The following REV3L variants were observed in gnomAD, a reference collection of about 807,000 sequenced individuals.
The protein encoded by REV3L is DNA polymerase zeta catalytic subunit.
A neutral mutation model predicts 299.4 loss-of-function variants in REV3L; 69 were observed. The ratio of observed to expected loss-of-function variants is 0.23; its 90% confidence interval spans 0.19 to 0.28. The LOEUF (loss-of-function observed/expected upper bound fraction) is 0.28, where lower values mean the gene tolerates loss of function less well. Ranked by LOEUF, REV3L falls within the 10% of genes least tolerant of loss-of-function variation. The pLI is 1.00. For missense variants in REV3L, 3,128 were observed against 3,693.8 expected (o/e 0.85, Z 3.97); for synonymous variants, 1,238 against 1,271.4 (o/e 0.97, Z 0.56).
intron 1 of REV3L, among the ~76,000 whole-genome samples, chr6:111,443,131 A>G (rs1562319627): frequency 6.6e-6 from 1 of 151,724 alleles, no homozygotes; most frequent in Admixed American, 6.6e-5. Flanking sequence ...CTTTTTATAG[A>G]TTACATTTGC....
Position 111,422,664 on chromosome 6 carries a change from A to ACG in REV3L, c.140-6193_140-6192insCG, listed in dbSNP as rs1491125060. 2.0e-4 allele frequency among the ~76,000 whole-genome samples: 8 copies of ACG among 39,858 alleles called. 2 individuals carry two copies. The Admixed American group carries it at 2.0e-3, about 10-fold the overall frequency. The allele number at this position is 39,858 out of a possible 152,430, so 26.1% of individuals were successfully genotyped here. A position where few individuals can be genotyped will look rare whatever the true frequency, so the allele number is the denominator to read the frequency against. Reference sequence around the variant, plus strand: ...TATATATATACATATATATATATACATATATATATATATACGTATATATAT... The same window carrying ACG: ...TATATATATACATATATATATATACACGTATATATATATATACGTATATATAT... On this transcript the variant is annotated intron_variant, in intron 1 of 31. Transcript: ENST00000368802.
intron 24 of REV3L, chr6:111,330,208 T>A (rs553423931): frequency 2.3e-6 from 1 of 430,812 alleles, no homozygotes; most frequent in Admixed American, 2.5e-5. Flanking sequence ...ATGAGCTGGG[T>A]TGACTCTGCT....
chr6:111,328,314 A>C (rs1283971645), intron 25 of REV3L, among the ~76,000 whole-genome samples: 1 of 152,224 alleles, frequency 6.6e-6, no homozygotes, highest in Non-Finnish European at 1.5e-5. Flanking sequence ...TATGTTGCTT[A>C]GGCTAGTCTT....
intron 16 of REV3L, chr6:111,361,433 A>AC (rs1481980499): frequency 6.8e-6 from 1 of 147,104 alleles, no homozygotes; most frequent in East Asian, 2.0e-4. Flanking sequence ...AAAAAAAACA[A>AC]AAAAAAAAAA....
intron 20 of REV3L, among the ~76,000 whole-genome samples, chr6:111,348,534 T>G (rs1207670506): frequency 2.0e-5 from 3 of 152,186 alleles, no homozygotes; most frequent in Non-Finnish European, 4.4e-5. Context: ...CTAGACTAAA[T>G]TTTTCTTACT....
intron 18 of REV3L, among the ~76,000 whole-genome samples, chr6:111,355,514 A>AT (rs1318399738): frequency 2.6e-5 from 4 of 152,184 alleles, no homozygotes; most frequent in Non-Finnish European, 5.9e-5. Context: ...AAAAGTTGAC[A>AT]TTTAAGCATT....
At chr6:111,371,899 C>T (rs965578467) in intron 13 of REV3L, among the ~76,000 whole-genome samples, 7 of 151,800 alleles carry the variant, frequency 4.6e-5, no homozygotes, top group Non-Finnish European at 7.4e-5. Flanking sequence ...ACTATTTTGC[C>T]TGGGCTGGTC....
chr6:111,405,705 T>C (rs1224742072), intron 3 of REV3L, 75 bp from the exon 4 acceptor site: 10 of 1,008,108 alleles, frequency 9.9e-6, no homozygotes, highest in Non-Finnish European at 1.3e-5. Context: ...ATTATAGAAA[T>C]ATACAGAACA....
At chr6:111,482,369 C>T (rs1793835769) in intron 1 of REV3L, among the ~76,000 whole-genome samples, 1 of 152,318 alleles carries the variant, frequency 6.6e-6, no homozygotes, top group African/African-American at 2.4e-5. Flanking sequence ...GACCTCAGAG[C>T]AGGCCCTACG....
At chr6:111,306,364 A>T (rs1025085672) in intron 31 of REV3L, among the ~76,000 whole-genome samples, 1 of 152,182 alleles carries the variant, frequency 6.6e-6, no homozygotes, top group Non-Finnish European at 1.5e-5. Context: ...GTATGGGTCG[A>T]GGTAGAGTGT....
At position 111,483,148 on chromosome 6, in the gene REV3L, G is replaced by A. The variant is rs924556352; in HGVS notation, c.-260C>T. 9 of 488,392 alleles carry A rather than the reference G, an allele frequency of 1.8e-5. No homozygotes were observed. Among genetic ancestry groups the A allele is most frequent in the African/African-American group, 1.8e-4 (9 of 49,014 alleles). 30.3% of individuals were successfully genotyped at this position (488,392 alleles called of 1,614,324 possible). On this transcript the variant is annotated 5_prime_UTR_variant, in exon 1 of 32. Transcript: ENST00000368802. Reference sequence around the variant, plus strand: ...CGGTGCTGGTGCTGCCGCCACTGCCGCCACCGCCGGGAATCACACGGGCTC... The same window carrying A: ...CGGTGCTGGTGCTGCCGCCACTGCCACCACCGCCGGGAATCACACGGGCTC...
chr6:111,320,464 A>G (rs754036996), intron 26 of REV3L, among the ~76,000 whole-genome samples: 2 of 152,208 alleles, frequency 1.3e-5, no homozygotes, highest in Non-Finnish European at 2.9e-5. Flanking sequence ...AAAAAAACAC[A>G]AATTTAAATT....
At chr6:111,483,377 C>G (rs1182709434), upstream of REV3L, 1 of 472,392 alleles carries the variant, frequency 2.1e-6, no homozygotes, top group East Asian at 3.7e-5. Context: ...CTCCCCCTCC[C>G]CGGGCACGCG....
intron 1 of REV3L, among the ~76,000 whole-genome samples, chr6:111,464,770 G>A (rs1296140747): frequency 6.6e-6 from 1 of 152,168 alleles, no homozygotes; most frequent in Non-Finnish European, 1.5e-5. Context: ...GGGAGGCCTA[G>A]ACAGGTGGAC....
chr6:111,384,631 G>A (rs182087186), intron 9 of REV3L, among the ~76,000 whole-genome samples: 18 of 152,254 alleles, frequency 1.2e-4, no homozygotes, highest in Admixed American at 7.8e-4. Context: ...GGGAACTCTC[G>A]TACACTGTTG....
chr6:111,378,798 C>T (rs887857517), intron 11 of REV3L, among the ~76,000 whole-genome samples: 1 of 152,164 alleles, frequency 6.6e-6, no homozygotes, highest in African/African-American at 2.4e-5. Context: ...TACATAAAGG[C>T]ATTTCTCATT....
chr6:111,459,156 A>T (rs776572261), intron 1 of REV3L, among the ~76,000 whole-genome samples: 1 of 152,184 alleles, frequency 6.6e-6, no homozygotes, highest in Non-Finnish European at 1.5e-5. Flanking sequence ...GATGTTCAAC[A>T]AAGTTGACAA....
At chr6:111,309,599 G>A in intron 30 of REV3L, 1 of 325,660 alleles carries the variant, frequency 3.1e-6, no homozygotes, top group Non-Finnish European at 5.5e-6. Flanking sequence ...AGGTGGTCTT[G>A]GAAAATGGTA....
chr6:111,320,352 C>T (rs1302275000), intron 26 of REV3L, among the ~76,000 whole-genome samples: 1 of 152,198 alleles, frequency 6.6e-6, no homozygotes, highest in East Asian at 1.9e-4. Context: ...AGGCATGAGC[C>T]ACTGCGCCCA....
Sources: allele counts gnomAD v4.1 joint callset (sites outside exome capture counted in the v4.1 genomes callset), GRCh38; gene constraint gnomAD v4.1.1; transcripts MANE v1.5; gene names NCBI Gene and HGNC (gene_info 2026-07-23, HGNC 2026-07-21).